ITGB5: variants seen among roughly 807,000 people sequenced by gnomAD.
ITGB5 encodes the protein integrin subunit beta 5, also known as integrin beta-5.
ITGB5 carries 38 observed loss-of-function variants against 84.8 expected under a neutral mutation model. The ratio of observed to expected loss-of-function variants is 0.45; its 90% CI spans 0.35 to 0.59. ITGB5 has a LOEUF of 0.59. ITGB5 is among the 20% of genes least tolerant of loss of function. The pLI, the probability that ITGB5 is intolerant of heterozygous loss-of-function variation, is 0.01. For missense variants in ITGB5, 905 were observed against 1,034.5 expected, an observed-to-expected ratio of 0.87 and a Z score of 1.72; for synonymous variants, 393 against 414.4, an observed-to-expected ratio of 0.95 and a Z score of 0.63.
chr3:124,796,378 G>A lies in ITGB5; in HGVS notation c.1693+10C>T, dbSNP rs1251587229. ...GGCTCAGAGCTAAAGTGCTTGCTGGGGACACTTACCTGAGCAGAGGACTCC... is the reference window on the plus strand; with the variant it reads ...GGCTCAGAGCTAAAGTGCTTGCTGGAGACACTTACCTGAGCAGAGGACTCC... On this transcript the variant is annotated intron_variant, in intron 10 of 14. Transcript: ENST00000296181. 6.3e-7 allele frequency: 1 copy of A among 1,591,628 alleles called. No homozygotes were observed. Among genetic ancestry groups the A allele is most frequent in the Non-Finnish European group, 8.6e-7 (1 of 1,165,560 alleles).
intron 3 of ITGB5, among the ~76,000 whole-genome samples, chr3:124,850,346 C>T (rs1366904525): frequency 6.6e-6 from 1 of 151,976 alleles, no homozygotes; most frequent in Admixed American, 6.6e-5. Context: ...CTATGATGCG[C>T]TCATGAGGGA....
At chr3:124,866,173 G>A (rs367845951) in intron 2 of ITGB5, among the ~76,000 whole-genome samples, 33 of 150,650 alleles carry the variant, frequency 2.2e-4, no homozygotes, top group African/African-American at 7.8e-4. Context: ...AGTAGAGATG[G>A]GGTTTCACCA....
intron 1 of ITGB5, among the ~76,000 whole-genome samples, chr3:124,896,113 T>C (rs1163495981): frequency 6.6e-6 from 1 of 152,236 alleles, no homozygotes; most frequent in Non-Finnish European, 1.5e-5. Context: ...GTGTTCTTTA[T>C]GTGGGAAGAC....
intron 4 of ITGB5, among the ~76,000 whole-genome samples, chr3:124,848,074 G>C (rs2065101123): frequency 6.6e-6 from 1 of 152,102 alleles, no homozygotes; most frequent in African/African-American, 2.4e-5. Flanking sequence ...TGCATGGCAG[G>C]CAGGAAAATC....
chr3:124,813,175 G>A lies in ITGB5; in HGVS notation c.1129-4019C>T, dbSNP rs58916254. Among the ~76,000 whole-genome samples the A allele has an allele frequency of 3.2e-3, 489 of 152,306 alleles. 2 individuals carry two copies. The highest frequency in any genetic ancestry group is 0.01 in the African/African-American group (416 of 41,566). ...AAGTTGGGAAAAGTCCAAGTGCAAG[G>A]AGCTTGAAGCCCAGCCCAGCCTTTC... is the stretch of plus-strand genomic sequence containing the variant. On this transcript the variant is annotated intron_variant, in intron 8 of 14. Coordinates refer to ENST00000296181, the MANE Select transcript of ITGB5 (RefSeq NM_002213.5).
chr3:124,812,202 T>G (rs2064515178), intron 8 of ITGB5, among the ~76,000 whole-genome samples: 1 of 152,190 alleles, frequency 6.6e-6, no homozygotes, highest in Non-Finnish European at 1.5e-5. Flanking sequence ...CAAAGTGCAG[T>G]TCTTACACAT....
At chr3:124,816,854 T>C (rs1382961663) in intron 8 of ITGB5, among the ~76,000 whole-genome samples, 5 of 152,172 alleles carry the variant, frequency 3.3e-5, no homozygotes, top group Admixed American at 6.5e-5. Context: ...TAGCACAGAA[T>C]TTAATAGCCC....
intron 2 of ITGB5, among the ~76,000 whole-genome samples, chr3:124,863,769 C>T (rs757777891): frequency 9.2e-5 from 14 of 152,162 alleles, no homozygotes; most frequent in East Asian, 1.9e-4. Flanking sequence ...TCGCCATGGC[C>T]GCCCAAAATG....
At chr3:124,895,123 T>C (rs565778294) in intron 1 of ITGB5, among the ~76,000 whole-genome samples, 1 of 152,100 alleles carries the variant, frequency 6.6e-6, no homozygotes, top group African/African-American at 2.4e-5. Flanking sequence ...ATATCACAGC[T>C]CCAAGCAAGG....
At chr3:124,796,869 C>CCATT (rs2064238236) in intron 9 of ITGB5, 52 bp from the exon 10 acceptor site, 1 of 1,532,802 alleles carries the variant, frequency 6.5e-7, no homozygotes, top group African/African-American at 1.4e-5. Context: ...CCAGGGTCTC[C>CCATT]CATTCACCCA....
At chr3:124,830,507 C>T (rs2064845075) in intron 5 of ITGB5, among the ~76,000 whole-genome samples, 1 of 152,206 alleles carries the variant, frequency 6.6e-6, no homozygotes, top group Admixed American at 6.5e-5. Context: ...GACAAAAGCA[C>T]CAATGGATGA....
chr3:124,807,370 CGTGCCACGGCACTCCAGCCTGGGTGACA>C (rs2064422025), intron 9 of ITGB5, among the ~76,000 whole-genome samples: 2 of 152,080 alleles, frequency 1.3e-5, no homozygotes, highest in African/African-American at 4.8e-5. Context: ...GAGCCGAGAT[CGTGCCACGGCACTCCAGCCTGGGTGACA>C]GAGCAAGACT....
At chr3:124,880,039 C>T (rs1934500443) in intron 1 of ITGB5, among the ~76,000 whole-genome samples, 1 of 152,164 alleles carries the variant, frequency 6.6e-6, no homozygotes, top group Non-Finnish European at 1.5e-5. Context: ...TGTTCTTCTT[C>T]CAAAATCACC....
intron 5 of ITGB5, among the ~76,000 whole-genome samples, chr3:124,837,434 C>T (rs570583104): frequency 2.0e-5 from 3 of 152,178 alleles, no homozygotes; most frequent in Admixed American, 6.5e-5. Flanking sequence ...CAACTCCAAC[C>T]CAGCCAGGAA....
At chr3:124,898,825 C>T (rs1455691220) in intron 1 of ITGB5, among the ~76,000 whole-genome samples, 9 of 149,134 alleles carry the variant, frequency 6.0e-5, no homozygotes, top group African/African-American at 2.2e-4. Context: ...CCTGTAATCC[C>T]AGTACTTTGG....
intron 2 of ITGB5, among the ~76,000 whole-genome samples, chr3:124,870,084 A>T (rs1456601207): frequency 2.0e-5 from 3 of 152,186 alleles, no homozygotes; most frequent in Admixed American, 6.5e-5. Flanking sequence ...ATTAAGAGTA[A>T]ATCACAGCAA....
Position 124,764,518 on chromosome 3 carries a change from G to A in ITGB5, c.2177C>T (p.Ala726Val). 6.2e-7 allele frequency: 1 copy of A among 1,613,928 alleles called. No individual in the cohort carries two copies. The highest frequency in any genetic ancestry group is 1.1e-5 in the South Asian group (1 of 91,054). The change falls in exon 14 of 15, where the codon GCT becomes GTT. Residue 726 changes from alanine (A) to valine (V), a missense_variant. Ala to Val is a moderately conservative substitution (Grantham distance 64). Transcript: ENST00000296181. The stretch of plus-strand genomic sequence containing the variant: ...AACAAGGAGGATGCTACCGACCACA[G>A]CCAGGAGGATGGTCATGGCGTTGGG... ...NTPNAMTILL[A>V]VVGSILLVGL... is the part of the protein sequence containing the mutation.
At chr3:124,880,562 C>T (rs1934518770) in intron 1 of ITGB5, among the ~76,000 whole-genome samples, 1 of 152,024 alleles carries the variant, frequency 6.6e-6, no homozygotes, top group Non-Finnish European at 1.5e-5. Context: ...TACAGTGGGC[C>T]ATGATCACGC....
At chr3:124,887,868 G>A (rs957636825), upstream of ITGB5, 1 of 273,746 alleles carries the variant, frequency 3.7e-6, no homozygotes, top group East Asian at 1.1e-4. Context: ...GAGCAAGGGA[G>A]GGCGTGGTGG....
Sources: gnomAD v4.1 joint callset for allele counts (sites outside exome capture counted in the v4.1 genomes callset) on GRCh38, gnomAD v4.1.1 for gene constraint, MANE v1.5 for transcripts, NCBI Gene and HGNC (gene_info 2026-07-23, HGNC 2026-07-21) for gene names.